The following TYW3 variants were observed in gnomAD, a reference collection of about 807,000 sequenced individuals.
TYW3 encodes tRNA wybutosine-synthesizing protein 3 homolog.
TYW3 carries 26 observed loss-of-function variants against 23.1 expected under a neutral mutation model. The observed-to-expected ratio is 1.13, with a 90% CI of 0.83 to 1.56. The LOEUF (loss-of-function observed/expected upper bound fraction) is 1.56, where lower values mean the gene tolerates loss of function less well. Ranked by LOEUF, TYW3 falls within the 40% of genes most tolerant of loss-of-function variation. TYW3 has a pLI of 0.00. For missense variants in TYW3, 316 were observed against 311.9 expected, an observed-to-expected ratio of 1.01 and a Z score of -0.10; for synonymous variants, 102 against 105.7, an observed-to-expected ratio of 0.97 and a Z score of 0.21.
Position 74,747,875 on chromosome 1 carries a change from A to G in TYW3, c.355-876A>G, listed in dbSNP as rs28739548. On this transcript the variant is annotated intron_variant, in intron 3 of 5. Coordinates refer to ENST00000370867, the MANE Select transcript of TYW3 (RefSeq NM_138467.3). Reference sequence around the variant, plus strand: ...CACATATGTATGTATACATACACATACACACACATATACACATATACACAC... The same window carrying G: ...CACATATGTATGTATACATACACATGCACACACATATACACATATACACAC... Among the ~76,000 whole-genome samples, 930 of 115,892 alleles carry G rather than the reference A, an allele frequency of 8.0e-3. 7 individuals carry two copies. The highest frequency in any genetic ancestry group is 0.025 in the African/African-American group (877 of 35,448). 76.0% of individuals were successfully genotyped at this position (115,892 alleles called of 152,430 possible).
intron 3 of TYW3, among the ~76,000 whole-genome samples, chr1:74,744,324 T>C (rs1003997468): frequency 6.6e-6 from 1 of 152,096 alleles, no homozygotes; most frequent in African/African-American, 2.4e-5. Flanking sequence ...TAATTTATAC[T>C]GCCCTCAGGT....
chr1:74,754,025 G>T (rs1648872845), intron 5 of TYW3, among the ~76,000 whole-genome samples: 1 of 152,120 alleles, frequency 6.6e-6, no homozygotes. Flanking sequence ...TCTAACTAAA[G>T]TAATACTTTT....
chr1:74,736,642 T>G lies in TYW3; in HGVS notation c.255+20T>G. The G allele has an allele frequency of 1.3e-6, 2 of 1,560,838 alleles. No individual in the cohort carries two copies. Among genetic ancestry groups the G allele is most frequent in the Non-Finnish European group, 1.7e-6 (2 of 1,150,666 alleles). On this transcript the variant is annotated intron_variant, in intron 2 of 5. Coordinates refer to ENST00000370867, the MANE Select transcript of TYW3 (RefSeq NM_138467.3). ...GATGTGGTAAGTTTTAAAAAATAAA[T>G]TTGGAAATAAACTTTTAAATTCAGT...
intron 3 of TYW3, among the ~76,000 whole-genome samples, chr1:74,746,693 G>A (rs1453653029): frequency 1.3e-5 from 2 of 152,312 alleles, no homozygotes; most frequent in East Asian, 3.9e-4. Flanking sequence ...GATGTGCTGT[G>A]AAGGAGATAA....
At chr1:74,762,251 TTG>T (rs1649160686) in intron 5 of TYW3, among the ~76,000 whole-genome samples, 1 of 152,086 alleles carries the variant, frequency 6.6e-6, no homozygotes, top group Admixed American at 6.6e-5. Context: ...ATTTGGAGTT[TTG>T]GAGTTTTATA....
rs1649211709 is a variant in TYW3, at chr1:74,763,914, A to T, written c.581A>T (p.His194Leu). The T allele has an allele frequency of 6.2e-7, 1 of 1,602,372 alleles. No homozygotes were observed. Among genetic ancestry groups the T allele is most frequent in the African/African-American group, 1.4e-5 (1 of 73,806 alleles). Residue 194 changes from histidine (H) to leucine (L), a missense_variant, in exon 6 of 6, where the codon CAT (histidine) becomes CTT (leucine). His to Leu is a moderately conservative substitution (Grantham distance 99). Coordinates refer to ENST00000370867, the MANE Select transcript of TYW3 (RefSeq NM_138467.3). Reference protein sequence around the residue: ...RIERFYNCLQHALERETMTNL... With the variant: ...RIERFYNCLQLALERETMTNL... ...CACAGGTTTTACAACTGCCTACAGC[A>T]TGCTTTGGAAAGGGAAACGATGACT...
intron 3 of TYW3, among the ~76,000 whole-genome samples, chr1:74,744,402 C>A (rs139407549): frequency 6.6e-6 from 1 of 151,930 alleles, no homozygotes; most frequent in Non-Finnish European, 1.5e-5. Context: ...AAAAATGAGC[C>A]GCCTCTTTTT....
chr1:74,749,807 T>C (rs1264678421), intron 4 of TYW3, among the ~76,000 whole-genome samples: 1 of 151,856 alleles, frequency 6.6e-6, no homozygotes, highest in East Asian at 1.9e-4. Context: ...AATACAAAAA[T>C]TAGCTGGGCG....
At chr1:74,751,898 G>A (rs1451209241) in intron 4 of TYW3, among the ~76,000 whole-genome samples, 1 of 152,194 alleles carries the variant, frequency 6.6e-6, no homozygotes, top group Non-Finnish European at 1.5e-5. Flanking sequence ...TCTGCTCCAA[G>A]AGCACTGAGA....
In TYW3 at chr1:74,765,733, A is replaced by G. The variant is rs1435751753; in HGVS notation, c.*1620A>G. 2.0e-5 allele frequency: 3 copies of G among 152,172 alleles called. No individual in the cohort carries two copies. Among genetic ancestry groups the G allele is most frequent in the Non-Finnish European group, 4.4e-5 (3 of 68,016 alleles). The allele number at this position is 152,172 out of a possible 1,614,324, so 9.4% of individuals were successfully genotyped here. On this transcript the variant is annotated 3_prime_UTR_variant, in exon 6 of 6. Coordinates refer to ENST00000370867, the MANE Select transcript of TYW3 (RefSeq NM_138467.3). ...TGACAACACATTCTGCAGTTTTAAA[A>G]TCTAAGAGGCTCATTGACTTTTCTT...
intron 3 of TYW3, among the ~76,000 whole-genome samples, chr1:74,746,185 T>C (rs1192664434): frequency 2.6e-5 from 4 of 152,178 alleles, no homozygotes; most frequent in Non-Finnish European, 5.9e-5. Flanking sequence ...ATTGAGAAGA[T>C]GCCAATACAC....
chr1:74,760,380 C>G (rs972192035), intron 5 of TYW3, among the ~76,000 whole-genome samples: 7 of 152,140 alleles, frequency 4.6e-5, no homozygotes, highest in Non-Finnish European at 1.0e-4. Context: ...TACTTAAGAC[C>G]AAATAAGTAA....
At chr1:74,738,908 T>C (rs1648256274) in intron 3 of TYW3, 120 bp downstream of exon 3, 1 of 556,014 alleles carries the variant, frequency 1.8e-6, no homozygotes, top group Admixed American at 3.4e-5. Context: ...TATGTATATA[T>C]TATTTATTGG....
rs746632757 is a variant in TYW3 at position 74,736,633 on chromosome 1, A to G, written c.255+11A>G. 39 of 1,572,816 alleles carry G rather than the reference A, an allele frequency of 2.5e-5. No individual in the cohort carries two copies. In the South Asian group the frequency reaches 4.7e-4, roughly 19 times the overall value. On this transcript the variant is annotated intron_variant, in intron 2 of 5. Coordinates refer to ENST00000370867, the MANE Select transcript of TYW3 (RefSeq NM_138467.3). The stretch of plus-strand genomic sequence containing the variant: ...GTAAAAGATGATGTGGTAAGTTTTA[A>G]AAAATAAATTTGGAAATAAACTTTT...
chr1:74,754,145 G>T (rs139546420), intron 5 of TYW3, among the ~76,000 whole-genome samples: 1 of 152,112 alleles, frequency 6.6e-6, no homozygotes, highest in Non-Finnish European at 1.5e-5. Context: ...GAGACTGTTT[G>T]CTAAAACATA....
At chr1:74,755,683 C>T (rs1397618904) in intron 5 of TYW3, among the ~76,000 whole-genome samples, 2 of 152,150 alleles carry the variant, frequency 1.3e-5, no homozygotes, top group Non-Finnish European at 2.9e-5. Flanking sequence ...TGGATATATA[C>T]TCAGAAGTGG....
At chr1:74,757,788 G>A (rs1301454094) in intron 5 of TYW3, among the ~76,000 whole-genome samples, 1 of 152,044 alleles carries the variant, frequency 6.6e-6, no homozygotes, top group Admixed American at 6.5e-5. Context: ...TGAATCCTGG[G>A]GACAAGGTCT....
intron 3 of TYW3, among the ~76,000 whole-genome samples, chr1:74,739,811 G>A (rs1445769565): frequency 6.6e-6 from 1 of 152,208 alleles, no homozygotes; most frequent in Non-Finnish European, 1.5e-5. Context: ...AGTAGTTTGT[G>A]GTGATAGGTT....
chr1:74,746,324 G>A (rs1300511400), intron 3 of TYW3, among the ~76,000 whole-genome samples: 1 of 152,222 alleles, frequency 6.6e-6, no homozygotes, highest in Admixed American at 6.5e-5. Flanking sequence ...TAATCATTTA[G>A]TGGCTCATGG....
Sources: allele counts gnomAD v4.1 joint callset (sites outside exome capture counted in the v4.1 genomes callset), GRCh38; gene constraint gnomAD v4.1.1; transcripts MANE v1.5; gene names NCBI Gene and HGNC (gene_info 2026-07-23, HGNC 2026-07-21).